PHACTR1: variants seen among roughly 807,000 people sequenced by gnomAD.
PHACTR1 encodes the protein phosphatase and actin regulator 1, also known as RPEL repeat containing 1.
Under a neutral mutation model 69.2 loss-of-function variants are expected in PHACTR1, and 16 were observed. The ratio of observed to expected loss-of-function variants is 0.23; its 90% CI spans 0.16 to 0.35. The LOEUF (loss-of-function observed/expected upper bound fraction) is 0.35, where lower values mean the gene tolerates loss of function less well. Ranked by LOEUF, PHACTR1 falls within the 10% of genes least tolerant of loss-of-function variation. The pLI, the probability that PHACTR1 is intolerant of heterozygous loss-of-function variation, is 1.00. For missense variants in PHACTR1, 510 were observed against 734.7 expected (o/e 0.69, Z 3.54); for synonymous variants, 312 against 284.5 (o/e 1.10, Z -0.97).
intron 4 of PHACTR1, among the ~76,000 whole-genome samples, chr6:12,762,379 C>T (rs576733187): frequency 1.3e-5 from 2 of 152,108 alleles, no homozygotes; most frequent in Non-Finnish European, 2.9e-5. Context: ...CTCTGTTATC[C>T]GTGATTTGTG....
At chr6:13,198,865 A>G (rs1258393775) in intron 7 of PHACTR1, among the ~76,000 whole-genome samples, 1 of 152,188 alleles carries the variant, frequency 6.6e-6, no homozygotes, top group Non-Finnish European at 1.5e-5. Context: ...TTTATCTTAT[A>G]CTTTTTAGAC....
In PHACTR1 at chr6:13,230,153, C is replaced by T. The variant is rs370759003; in HGVS notation, c.1351C>T (p.Arg451Trp). ...CCTTCCCAGGCAGACGGATGAGGAG[C>T]GGCTGGAGCTGAGGCAACAGATTGG... ...NILPRQTDEE[R>W]LELRQQIGTK... is the part of the protein sequence containing the mutation. The change falls in exon 10 of 15, where the codon CGG becomes TGG. Residue 451 changes from arginine (R) to tryptophan (W), a missense_variant. Physicochemically the swap from Arg to Trp is moderately radical, Grantham distance 101 (BLOSUM62 -3). Coordinates refer to ENST00000332995, the MANE Select transcript of PHACTR1 (RefSeq NM_030948.6). 2.5e-6 allele frequency: 4 copies of T among 1,611,194 alleles called. No individual in the cohort carries two copies. Among genetic ancestry groups the T allele is most frequent in the South Asian group, 2.2e-5 (2 of 90,248 alleles).
Position 13,227,808 on chromosome 6 carries a change from T to TG in PHACTR1, c.987-8_987-7insG, listed in dbSNP as rs1403700548. 1 of 1,611,334 alleles carries TG rather than the reference T, an allele frequency of 6.2e-7. No individual in the cohort carries two copies. The highest frequency in any genetic ancestry group is 1.7e-5 in the Admixed American group (1 of 59,728). On this transcript the variant is annotated splice_polypyrimidine_tract_variant and splice_region_variant and intron_variant, in intron 8 of 14. Transcript: ENST00000332995. ...TGAATTTCCTCTTTCCTCCTTGTCT[T>TG]TAAACAGCTCTGAGCAGCGGGTCCC...
intron 5 of PHACTR1, among the ~76,000 whole-genome samples, chr6:13,096,734 T>G (rs1814318968): frequency 6.6e-6 from 1 of 152,190 alleles, no homozygotes. Context: ...AGTGACAAAT[T>G]TATTTATTAA....
intron 4 of PHACTR1, among the ~76,000 whole-genome samples, chr6:12,972,020 G>A (rs1055310991): frequency 8.0e-5 from 12 of 149,966 alleles, no homozygotes; most frequent in Admixed American, 6.0e-4. Context: ...ACTGTGTAGA[G>A]ACTCGTTACG....
rs952886660 is a variant in PHACTR1 at position 13,119,896 on chromosome 6, G to A, written c.416-40308G>A. 5.3e-5 allele frequency among the ~76,000 whole-genome samples: 8 copies of A among 152,156 alleles called. 1 individual carries two copies. In the South Asian group the frequency reaches 1.4e-3, roughly 28 times the overall value. On this transcript the variant is annotated intron_variant, in intron 5 of 14. Transcript: ENST00000332995. ...GAGACAAAGTCTGAGTGGTAAGAGC[G>A]TGTGCCACAGATTTTTCCTTGTATG...
At chr6:13,200,779 A>G (rs1765110813) in intron 7 of PHACTR1, among the ~76,000 whole-genome samples, 1 of 137,706 alleles carries the variant, frequency 7.3e-6, no homozygotes, top group South Asian at 2.2e-4. Flanking sequence ...ACTAAAAATG[A>G]AAAAAAAAAA....
At chr6:13,226,590 T>G (rs1584066488) in intron 8 of PHACTR1, among the ~76,000 whole-genome samples, 1 of 152,212 alleles carries the variant, frequency 6.6e-6, no homozygotes, top group Non-Finnish European at 1.5e-5. Flanking sequence ...TGGCTTCATA[T>G]TCTATGATTC....
intron 4 of PHACTR1, among the ~76,000 whole-genome samples, chr6:12,811,543 G>T (rs938842232): frequency 1.3e-5 from 2 of 152,172 alleles, no homozygotes; most frequent in Admixed American, 6.5e-5. Context: ...TGTACGTGAT[G>T]TATTTTATTT....
intron 5 of PHACTR1, among the ~76,000 whole-genome samples, chr6:13,144,718 A>G (rs967627849): frequency 8.8e-5 from 13 of 148,528 alleles, no homozygotes; most frequent in African/African-American, 3.3e-4. Context: ...GTGAGCCATG[A>G]TCATGCCACT....
chr6:12,777,618 T>C (rs1386731154), intron 4 of PHACTR1, among the ~76,000 whole-genome samples: 1 of 119,638 alleles, frequency 8.4e-6, no homozygotes, highest in South Asian at 3.1e-4. Context: ...TACCACCCTT[T>C]CTTCTTCTTT....
At chr6:13,263,379 T>G (rs527952775) in intron 10 of PHACTR1, among the ~76,000 whole-genome samples, 1 of 151,870 alleles carries the variant, frequency 6.6e-6, no homozygotes, top group East Asian at 1.9e-4. Flanking sequence ...TCTTAAATTT[T>G]TAAAGAAAAT....
At chr6:13,279,113 A>G (rs190132155) in intron 12 of PHACTR1, among the ~76,000 whole-genome samples, 164 of 151,890 alleles carry the variant, frequency 1.1e-3, no homozygotes, top group Admixed American at 4.4e-3. Context: ...CTAAATTACG[A>G]AAGTACTGAC....
At chr6:13,211,494 G>A (rs139365443) in intron 8 of PHACTR1, among the ~76,000 whole-genome samples, 1 of 152,286 alleles carries the variant, frequency 6.6e-6, no homozygotes, top group East Asian at 1.9e-4. Flanking sequence ...TTAGTAAAAT[G>A]AAGGTGGAAT....
intron 5 of PHACTR1, among the ~76,000 whole-genome samples, chr6:13,084,859 G>T (rs1453960340): frequency 6.6e-6 from 1 of 151,970 alleles, no homozygotes; most frequent in Non-Finnish European, 1.5e-5. Flanking sequence ...ACTACTAAAA[G>T]AATAGAAGTA....
chr6:12,993,991 A>G (rs1441652430), intron 4 of PHACTR1, among the ~76,000 whole-genome samples: 4 of 152,202 alleles, frequency 2.6e-5, no homozygotes, highest in African/African-American at 9.6e-5. Context: ...AGATATAAAT[A>G]TAAAGGTTTC....
chr6:13,119,529 C>A (rs1818371195), intron 5 of PHACTR1, among the ~76,000 whole-genome samples: 1 of 152,132 alleles, frequency 6.6e-6, no homozygotes, highest in Admixed American at 6.5e-5. Context: ...CTCAGGGACC[C>A]ACTAGCCCAG....
chr6:13,268,017 A>T (rs1230311327), intron 10 of PHACTR1, among the ~76,000 whole-genome samples: 4 of 152,194 alleles, frequency 2.6e-5, no homozygotes, highest in Non-Finnish European at 2.9e-5. Flanking sequence ...CTGTAATCTC[A>T]GCACTCTGGG....
chr6:12,800,680 G>A (rs1773592981), intron 4 of PHACTR1, among the ~76,000 whole-genome samples: 1 of 152,164 alleles, frequency 6.6e-6, no homozygotes, highest in Non-Finnish European at 1.5e-5. Context: ...GAGGACAGGA[G>A]TTCAAGACCA....
Sources: allele counts gnomAD v4.1 joint callset (sites outside exome capture counted in the v4.1 genomes callset), GRCh38; gene constraint gnomAD v4.1.1; transcripts MANE v1.5; gene names NCBI Gene and HGNC (gene_info 2026-07-23, HGNC 2026-07-21).